Variants in NCAPG2 observed in about 807,000 individuals in gnomAD.
NCAPG2 encodes the protein non-SMC condensin II complex subunit G2, also known as condensin-2 complex subunit G2.
A neutral mutation model predicts 141.1 loss-of-function variants in NCAPG2; 53 were observed. The ratio of observed to expected loss-of-function variants is 0.38; its 90% CI spans 0.30 to 0.47. The LOEUF (loss-of-function observed/expected upper bound fraction) is 0.47, where lower values mean the gene tolerates loss of function less well. NCAPG2 is among the 20% of genes least tolerant of loss of function. NCAPG2 has a pLI of 0.99. For synonymous variants in NCAPG2, 499 were observed against 490.7 expected, an observed-to-expected ratio of 1.02 and a Z score of -0.22; for missense variants, 1,087 against 1,389.0, an observed-to-expected ratio of 0.78 and a Z score of 3.46.
At chr7:158,651,435 A>T (rs148451468) in intron 23 of NCAPG2, among the ~76,000 whole-genome samples, 1 of 152,338 alleles carries the variant, frequency 6.6e-6, no homozygotes, top group East Asian at 1.9e-4. Flanking sequence ...ACTCAAATTG[A>T]ACTAGACTAG....
chr7:158,655,599 G>C, intron 19 of NCAPG2, 144 bp from the exon 20 acceptor site: 1 of 213,224 alleles, frequency 4.7e-6, no homozygotes, highest in Non-Finnish European at 7.4e-6. Context: ...TGCTGACTCT[G>C]CACCCGGACA....
chr7:158,700,883 T>A (rs1387059490), intron 2 of NCAPG2, among the ~76,000 whole-genome samples: 1 of 152,210 alleles, frequency 6.6e-6, no homozygotes, highest in African/African-American at 2.4e-5. Flanking sequence ...TCCTCAGAGA[T>A]GTGTCCTAGG....
intron 21 of NCAPG2, 76 bp downstream of exon 21, chr7:158,655,042 C>G (rs1215769241): frequency 6.8e-7 from 1 of 1,480,614 alleles, no homozygotes; most frequent in Non-Finnish European, 9.0e-7. Flanking sequence ...AATTACCACT[C>G]TAAAGTAGAA....
At chr7:158,696,752 T>G (rs1835470769) in intron 2 of NCAPG2, 1 of 152,240 alleles carries the variant, frequency 6.6e-6, no homozygotes, top group Admixed American at 6.5e-5. Context: ...TCCACACCCT[T>G]AGCTTCCCAA....
In NCAPG2 at chr7:158,631,584, T is replaced by C. The variant is rs1194822727; in HGVS notation, c.*82A>G. The stretch of plus-strand genomic sequence containing the variant: ...TTCCCTATTATATGGGTTATTAACA[T>C]TAAAAACAATAGGAAAATACACAGG... On this transcript the variant is annotated 3_prime_UTR_variant, in exon 28 of 28. Transcript: ENST00000356309. 2 of 1,303,816 alleles carry C rather than the reference T, an allele frequency of 1.5e-6. No homozygotes were observed. Among genetic ancestry groups the C allele is most frequent in the Non-Finnish European group, 2.2e-6 (2 of 905,278 alleles). 80.8% of individuals were successfully genotyped at this position (1,303,816 alleles called of 1,614,324 possible). A position where few individuals can be genotyped will look rare whatever the true frequency, so the allele number is the denominator to read the frequency against.
In NCAPG2 at chr7:158,687,116, T is replaced by G. The variant is rs190803905; in HGVS notation, c.767+232A>C. On this transcript the variant is annotated intron_variant, in intron 7 of 27. Transcript: ENST00000356309. The stretch of plus-strand genomic sequence containing the variant: ...AGGCTAAGGTTCAACTGGAAACTAT[T>G]TTAACTATTTAAAGAACTACCACAA... Among the ~76,000 whole-genome samples, 396 of 152,290 alleles carry G rather than the reference T, an allele frequency of 2.6e-3. 5 individuals carry two copies. Among genetic ancestry groups the G allele is most frequent in the African/African-American group, 9.3e-3 (387 of 41,562 alleles).
chr7:158,681,783 A>C (rs932784394), intron 9 of NCAPG2, among the ~76,000 whole-genome samples: 1 of 152,224 alleles, frequency 6.6e-6, no homozygotes, highest in Admixed American at 6.5e-5. Flanking sequence ...ACTGTTTTAA[A>C]GTATACAATT....
chr7:158,668,576 A>G, intron 13 of NCAPG2: 1 of 356,852 alleles, frequency 2.8e-6, no homozygotes, highest in Non-Finnish European at 3.9e-6. Flanking sequence ...TTTAGATAAA[A>G]CAAGATCGGA....
intron 13 of NCAPG2, 64 bp from the exon 14 acceptor site, chr7:158,664,814 TAAG>T: frequency 7.1e-7 from 1 of 1,401,770 alleles, no homozygotes; most frequent in African/African-American, 1.5e-5. Flanking sequence ...GGAAACAGCT[TAAG>T]AAAAATTTCA....
At chr7:158,644,815 A>G (rs374913716) in intron 26 of NCAPG2, among the ~76,000 whole-genome samples, 1 of 152,206 alleles carries the variant, frequency 6.6e-6, no homozygotes, top group South Asian at 2.1e-4. Context: ...CTTATGCCCA[A>G]CCTGGGTCAA....
At chr7:158,640,052 C>CAAAAAAAAAAAAACA (rs1830530053) in intron 27 of NCAPG2, 1 of 98,324 alleles carries the variant, frequency 1.0e-5, no homozygotes, top group African/African-American at 3.9e-5. Context: ...GAATAAATGC[C>CAAAAAAAAAAAAACA]AAAAAAAAAA....
At chr7:158,658,919 T>A (rs1832243190) in intron 16 of NCAPG2, among the ~76,000 whole-genome samples, 1 of 151,522 alleles carries the variant, frequency 6.6e-6, no homozygotes, top group Non-Finnish European at 1.5e-5. Flanking sequence ...GGCTCATGCC[T>A]CTAATCCCAA....
At chr7:158,668,914 C>G (rs1833487131) in intron 13 of NCAPG2, among the ~76,000 whole-genome samples, 1 of 152,172 alleles carries the variant, frequency 6.6e-6, no homozygotes, top group African/African-American at 2.4e-5. Flanking sequence ...GATGCTCTCC[C>G]TTCTCCTACC....
chr7:158,655,418 T>G lies in NCAPG2; in HGVS notation c.2426A>C (p.Lys809Thr). Reference protein sequence around the residue: ...LESLLQTPGGKPRGFSEAAAP... With the variant: ...LESLLQTPGGTPRGFSEAAAP... The stretch of plus-strand genomic sequence containing the variant: ...AGCTGCTTCACTGAAGCCACGAGGC[T>G]TCCCACCCGGTGTCTGCAGAAGTGA... Residue 809 changes from lysine (K) to threonine (T), a missense_variant, in exon 20 of 28, where the codon AAG becomes ACG. Coordinates refer to ENST00000356309, the MANE Select transcript of NCAPG2 (RefSeq NM_017760.7). 1 of 1,614,098 alleles carries G rather than the reference T, an allele frequency of 6.2e-7. No individual in the cohort carries two copies. The highest frequency in any genetic ancestry group is 1.1e-5 in the South Asian group (1 of 91,084).
intron 24 of NCAPG2, among the ~76,000 whole-genome samples, chr7:158,649,345 A>C (rs1232613388): frequency 6.6e-6 from 1 of 152,252 alleles, no homozygotes; most frequent in Non-Finnish European, 1.5e-5. Context: ...TAAATATTTA[A>C]ATAGTATAGT....
In NCAPG2 at chr7:158,656,240, C is replaced by T. The variant is rs780990734; in HGVS notation, c.2388+20G>A. 8.1e-6 allele frequency: 13 copies of T among 1,610,956 alleles called. No homozygotes were observed. In the Admixed American group the frequency reaches 2.0e-4, roughly 25 times the overall value. ...CCCACAATCATAGGAAACCACTCAA[C>T]TCTCAGGGCACAGAGTTACCTTTGA... On this transcript the variant is annotated intron_variant, in intron 19 of 27. Transcript: ENST00000356309.
chr7:158,689,976 G>T, intron 5 of NCAPG2, 23 bp from the exon 6 acceptor site: 1 of 1,480,644 alleles, frequency 6.8e-7, no homozygotes, highest in South Asian at 1.5e-5. Flanking sequence ...CAAAAAATGT[G>T]ATACCTTTTT....
intron 3 of NCAPG2, 46 bp downstream of exon 3, chr7:158,693,262 CA>C (rs201696298): frequency 3.7e-5 from 57 of 1,554,320 alleles, no homozygotes; most frequent in Admixed American, 4.1e-5. Flanking sequence ...TATTTTTTGA[CA>C]AAAAAAAGAG....
intron 22 of NCAPG2, among the ~76,000 whole-genome samples, chr7:158,653,387 A>T (rs28609714): frequency 0.021 from 3,048 of 146,132 alleles, 97 homozygotes; most frequent in African/African-American, 0.062. Context: ...ATAAAAAAAA[A>T]AATAATAATA....
Sources: allele counts gnomAD v4.1 joint callset (sites outside exome capture counted in the v4.1 genomes callset), GRCh38; gene constraint gnomAD v4.1.1; transcripts MANE v1.5; gene names NCBI Gene and HGNC (gene_info 2026-07-23, HGNC 2026-07-21).